Variants in COL4A4 observed in about 807,000 individuals in gnomAD.
COL4A4 encodes collagen type IV alpha 4 chain.
COL4A4 carries 105 observed loss-of-function variants against 192.9 expected under a neutral mutation model. The observed-to-expected ratio is 0.54, with a 90% confidence interval of 0.46 to 0.64. COL4A4 has a LOEUF of 0.64. Among genes scored for constraint, COL4A4 ranks in the 30% least tolerant of loss-of-function variants. The pLI is 0.00. For synonymous variants in COL4A4, 762 were observed against 769.9 expected (o/e 0.99, Z 0.17); for missense variants, 1,967 against 2,169.3 (o/e 0.91, Z 1.85).
Position 227,112,515 on chromosome 2 carries a change from C to T in COL4A4, c.559-802G>A, listed in dbSNP as rs191854204. On this transcript the variant is annotated intron_variant, in intron 8 of 47. Transcript: ENST00000396625. ...AACTCCTGACCTCAGGTAATCCACC[C>T]GCCTTGGCCTTCCAAAGTGCTGGGA... Among the ~76,000 whole-genome samples, 7 of 152,298 alleles carry T rather than the reference C, an allele frequency of 4.6e-5. No individual in the cohort carries two copies. The East Asian group carries it at 9.7e-4, about 21-fold the overall frequency.
intron 31 of COL4A4, 116 bp downstream of exon 31, chr2:227,054,478 A>G (rs1974865466): frequency 1.7e-6 from 2 of 1,157,986 alleles, no homozygotes; most frequent in Non-Finnish European, 2.6e-6. Flanking sequence ...ATAGAACTAA[A>G]AGGAGGAGGA....
At position 227,123,267 on chromosome 2, in the gene COL4A4, C is replaced by T. The variant is rs1450156839; in HGVS notation, c.193-2119G>A. Among the ~76,000 whole-genome samples the T allele has an allele frequency of 6.6e-6, 1 of 152,162 alleles. No individual in the cohort carries two copies. Among genetic ancestry groups the T allele is most frequent in the Non-Finnish European group, 1.5e-5 (1 of 68,038 alleles). ...AAAAATAGTGCAAGAACATTCACCA[C>T]AGTGTTATATGCAATAGCAAGAGAA... On this transcript the variant is annotated intron_variant, in intron 4 of 47. Coordinates refer to ENST00000396625, the MANE Select transcript of COL4A4 (RefSeq NM_000092.5). This position sits in a 1 kb window ranked among gnomAD's most constrained non-coding sequence, Gnocchi z 4.6.
At chr2:227,128,779 C>T (rs1333733659) in intron 4 of COL4A4, among the ~76,000 whole-genome samples, 2 of 152,152 alleles carry the variant, frequency 1.3e-5, no homozygotes, top group Admixed American at 6.5e-5. Flanking sequence ...ACCAATCTCT[C>T]GCGTCTCCTT....
intron 1 of COL4A4, among the ~76,000 whole-genome samples, chr2:227,154,118 C>T (rs950731916): frequency 1.3e-5 from 2 of 152,178 alleles, no homozygotes; most frequent in East Asian, 1.9e-4. Context: ...TCTTTCCCAG[C>T]GGCAGTAATT....
chr2:226,995,461 G>A, the COL4A4 span: 10 of 1,612,942 alleles, frequency 6.2e-6, no homozygotes, highest in African/African-American at 1.3e-4. Flanking sequence ...CCACCCTACG[G>A]GTTTCATCTC....
intron 4 of COL4A4, among the ~76,000 whole-genome samples, chr2:227,132,884 A>G (rs1374783829): frequency 6.6e-6 from 1 of 152,234 alleles, no homozygotes; most frequent in Non-Finnish European, 1.5e-5. Flanking sequence ...GTTTGAAAGG[A>G]GAAATTTGCT....
intron 19 of COL4A4, among the ~76,000 whole-genome samples, chr2:227,096,259 G>T (rs2150711768): frequency 6.6e-6 from 1 of 152,238 alleles, no homozygotes; most frequent in East Asian, 1.9e-4. Context: ...GGCTCCTGAG[G>T]CTACACAAGA....
rs568773797 is a variant in COL4A4, at chr2:227,111,503, T to C, written c.594+175A>G. Among the ~76,000 whole-genome samples, 13 of 152,314 alleles carry C rather than the reference T, an allele frequency of 8.5e-5. No homozygotes were observed. In the South Asian group the frequency reaches 2.7e-3, roughly 32 times the overall value. On this transcript the variant is annotated intron_variant, in intron 9 of 47. Transcript: ENST00000396625. ...CAGTTACACAGGGCCCCATGCTTCA[T>C]GTTCTGTGGTCGCCATCTTGAAATG...
chr2:227,097,867 T>C (rs1408701824), intron 19 of COL4A4, among the ~76,000 whole-genome samples: 3 of 152,224 alleles, frequency 2.0e-5, no homozygotes, highest in Non-Finnish European at 4.4e-5. Flanking sequence ...TCAGTAAATA[T>C]AACAAGAGAC....
At chr2:227,101,040 C>T (rs945161291) in intron 17 of COL4A4, among the ~76,000 whole-genome samples, 3 of 152,130 alleles carry the variant, frequency 2.0e-5, no homozygotes, top group African/African-American at 7.2e-5. Flanking sequence ...GATCTCCTGA[C>T]CTCATGATCT....
chr2:227,096,639 CATATT>C (rs1426080644), intron 19 of COL4A4, among the ~76,000 whole-genome samples: 4 of 152,138 alleles, frequency 2.6e-5, no homozygotes, highest in African/African-American at 9.7e-5. Flanking sequence ...AGGCTGTATA[CATATT>C]ATTTCTTTCA....
At chr2:227,125,524 G>A (rs1271744026) in intron 4 of COL4A4, among the ~76,000 whole-genome samples, 1 of 150,924 alleles carries the variant, frequency 6.6e-6, no homozygotes, top group Non-Finnish European at 1.5e-5. Flanking sequence ...AAAATACTTC[G>A]GGAGGAAAAA....
At chr2:226,982,511 G>A in the COL4A4 span, among the ~76,000 whole-genome samples, 3 of 152,236 alleles carry the variant, frequency 2.0e-5, no homozygotes, top group Admixed American at 6.5e-5. Context: ...ATCAATAGAT[G>A]TAATACATCT....
chr2:227,096,803 A>G (rs2060227843), intron 19 of COL4A4, among the ~76,000 whole-genome samples: 2 of 152,170 alleles, frequency 1.3e-5, no homozygotes, highest in Non-Finnish European at 2.9e-5. Context: ...ACCACATTAT[A>G]CTATATGGCT....
At position 227,144,066 on chromosome 2, in the gene COL4A4, T is replaced by G. The variant is rs552684388; in HGVS notation, c.114+450A>C. 1.2e-4 allele frequency among the ~76,000 whole-genome samples: 18 copies of G among 152,328 alleles called. No individual in the cohort carries two copies. The South Asian group carries it at 3.7e-3, about 32-fold the overall frequency. On this transcript the variant is annotated intron_variant, in intron 3 of 47. Coordinates refer to ENST00000396625, the MANE Select transcript of COL4A4 (RefSeq NM_000092.5). ...CAGTTGTCTCAAGATCAACCTGAGTTGCAGGCAGGCCACAATGGGATTTCC... is the reference window on the plus strand; with the variant it reads ...CAGTTGTCTCAAGATCAACCTGAGTGGCAGGCAGGCCACAATGGGATTTCC...
intron 25 of COL4A4, among the ~76,000 whole-genome samples, chr2:227,067,887 T>C (rs952817158): frequency 1.4e-5 from 2 of 138,876 alleles, no homozygotes; most frequent in African/African-American, 2.7e-5. Flanking sequence ...CTGAAAGAAA[T>C]AGAGACACAA....
chr2:227,014,530 C>A lies in COL4A4; in HGVS notation c.4217-2233G>T, dbSNP rs183279348. The stretch of plus-strand genomic sequence containing the variant: ...AAAGAAACAACAATAATAGCAAACA[C>A]AAGTACTGTTTATTCTGTGTCAGGC... On this transcript the variant is annotated intron_variant, in intron 44 of 47. Transcript: ENST00000396625. Among the ~76,000 whole-genome samples the A allele has an allele frequency of 6.2e-3, 938 of 152,288 alleles. 11 individuals carry two copies. Among genetic ancestry groups the A allele is most frequent in the African/African-American group, 0.021 (871 of 41,564 alleles).
At chr2:227,125,095 G>A (rs1267746078) in intron 4 of COL4A4, among the ~76,000 whole-genome samples, 1 of 152,146 alleles carries the variant, frequency 6.6e-6, no homozygotes, top group Non-Finnish European at 1.5e-5. Context: ...GAAGTTTGCA[G>A]AGGGGAAAAA....
At chr2:227,045,967 T>TATGTA (rs1559489776) in intron 35 of COL4A4, among the ~76,000 whole-genome samples, 5 of 34,404 alleles carry the variant, frequency 1.5e-4, no homozygotes, top group African/African-American at 7.1e-4. Context: ...ATGTATATAT[T>TATGTA]TATATGTGTA....
Sources: gnomAD v4.1 joint callset for allele counts (sites outside exome capture counted in the v4.1 genomes callset) on GRCh38, gnomAD v4.1.1 for gene constraint, Gnocchi (gnomAD v3.1) non-coding constraint, MANE v1.5 for transcripts, NCBI Gene and HGNC (gene_info 2026-07-23, HGNC 2026-07-21) for gene names.